Variants in TRIO observed in about 807,000 individuals in gnomAD.
TRIO encodes the protein triple functional domain protein.
Under a neutral mutation model 351.9 loss-of-function variants are expected in TRIO, and 58 were observed. That is an observed-to-expected ratio of 0.16 (90% CI 0.13 to 0.21). TRIO has a LOEUF of 0.21. Ranked by LOEUF, TRIO falls within the 10% of genes least tolerant of loss-of-function variation. The pLI is 1.00. For synonymous variants in TRIO, 1,758 were observed against 1,595.7 expected (o/e 1.10, Z -2.42); for missense variants, 3,201 against 4,027.8 (o/e 0.79, Z 5.56).
chr5:14,465,114 CT>C (rs1754151244), intron 36 of TRIO, among the ~76,000 whole-genome samples: 1 of 151,998 alleles, frequency 6.6e-6, no homozygotes, highest in South Asian at 2.1e-4. Flanking sequence ...TTCTTAGTAC[CT>C]GTTTTGTTTC....
rs1271580394 is a variant in TRIO at position 14,290,852 on chromosome 5, A to G, written c.677A>G (p.Asn226Ser). Residue 226 changes from asparagine (N) to serine (S), a missense_variant, in exon 5 of 57, where the codon AAT becomes AGT. Around this residue, in one of 19 missense-constraint regions of TRIO, gnomAD observed 349 missense variants for 449.3 expected, o/e 0.78. Coordinates refer to ENST00000344204, the MANE Select transcript of TRIO (RefSeq NM_007118.4). Reference protein sequence around the residue: ...IRVAFEDYISNATHMLSRLEE... With the variant: ...IRVAFEDYISSATHMLSRLEE... Reference sequence around the variant, plus strand: ...GTTGCTTTTGAAGACTACATTAGCAATGCCACCCACATGCTGTCTCGGCTG... The same window carrying G: ...GTTGCTTTTGAAGACTACATTAGCAGTGCCACCCACATGCTGTCTCGGCTG... The G allele has an allele frequency of 1.2e-5, 20 of 1,614,074 alleles. No individual in the cohort carries two copies. Among genetic ancestry groups the G allele is most frequent in the African/African-American group, 1.1e-4 (8 of 74,926 alleles).
chr5:14,149,521 C>T (rs1177529139), intron 1 of TRIO, among the ~76,000 whole-genome samples: 7 of 152,250 alleles, frequency 4.6e-5, no homozygotes, highest in East Asian at 1.9e-4. Flanking sequence ...ACCTGCCCCC[C>T]GGGAAAGGTT....
intron 9 of TRIO, among the ~76,000 whole-genome samples, chr5:14,326,740 G>A (rs1292143950): frequency 1.3e-5 from 2 of 152,348 alleles, no homozygotes; most frequent in Non-Finnish European, 2.9e-5. Context: ...ATAAAGGCCT[G>A]TAATTTGCTT....
intron 33 of TRIO, among the ~76,000 whole-genome samples, chr5:14,413,935 TG>T (rs772275369): frequency 4.6e-5 from 7 of 152,220 alleles, no homozygotes; most frequent in Non-Finnish European, 7.3e-5. Context: ...TAACATAAGC[TG>T]GTTGAGGTCA....
intron 5 of TRIO, 56 bp downstream of exon 5, chr5:14,291,284 G>T: frequency 1.9e-6 from 3 of 1,558,574 alleles, no homozygotes; most frequent in Non-Finnish European, 2.6e-6. Context: ...AGCGCTGGTG[G>T]GTTCGGGTGG....
At chr5:14,204,438 C>T (rs1342828231) in intron 1 of TRIO, among the ~76,000 whole-genome samples, 2 of 152,010 alleles carry the variant, frequency 1.3e-5, no homozygotes, top group Non-Finnish European at 2.9e-5. Flanking sequence ...TCTTTATGAT[C>T]GTGGGCAGCT....
intron 2 of TRIO, among the ~76,000 whole-genome samples, chr5:14,273,338 A>G (rs898358216): frequency 6.6e-6 from 1 of 152,240 alleles, no homozygotes; most frequent in Admixed American, 6.5e-5. Context: ...TTGAACTTGA[A>G]TATTTCCGAT....
At chr5:14,374,691 AT>A (rs1234174733) in intron 19 of TRIO, among the ~76,000 whole-genome samples, 1 of 152,202 alleles carries the variant, frequency 6.6e-6, no homozygotes, top group Non-Finnish European at 1.5e-5. Flanking sequence ...TAGGCAAAGG[AT>A]TTTTAAAAGC....
At chr5:14,299,630 A>G (rs1038332302) in intron 7 of TRIO, among the ~76,000 whole-genome samples, 1 of 152,234 alleles carries the variant, frequency 6.6e-6, no homozygotes, top group African/African-American at 2.4e-5. Flanking sequence ...GACTAGGTCA[A>G]CGTTGTTCCC....
chr5:14,351,646 C>T (rs991579273), intron 11 of TRIO, among the ~76,000 whole-genome samples: 2 of 152,230 alleles, frequency 1.3e-5, no homozygotes, highest in African/African-American at 4.8e-5. Flanking sequence ...AAAATGCTTT[C>T]ATTACATACA....
At chr5:14,367,444 T>TC (rs1366261804) in intron 16 of TRIO, among the ~76,000 whole-genome samples, 24 of 152,344 alleles carry the variant, frequency 1.6e-4, no homozygotes, top group Admixed American at 9.8e-4. Flanking sequence ...GAATTCACTA[T>TC]CAGTCAGTAA....
chr5:14,232,483 G>T (rs1232881553), intron 1 of TRIO, among the ~76,000 whole-genome samples: 2 of 152,228 alleles, frequency 1.3e-5, no homozygotes, highest in African/African-American at 4.8e-5. Flanking sequence ...TATGGTGTTT[G>T]TTGCTCTGTT....
In TRIO at chr5:14,481,531, C is replaced by T. The variant is rs2126606461; in HGVS notation, c.6388-10C>T. On this transcript the variant is annotated splice_polypyrimidine_tract_variant and intron_variant, in intron 44 of 56. Transcript: ENST00000344204. ...CTTGAGCTTTCACTCTTCTCTCTCC[C>T]CTCCCACAGAGAGCTGTGGAAGTCA... 1 of 1,613,854 alleles carries T rather than the reference C, an allele frequency of 6.2e-7. No individual in the cohort carries two copies. Among genetic ancestry groups the T allele is most frequent in the African/African-American group, 1.3e-5 (1 of 75,030 alleles).
intron 48 of TRIO, 159 bp downstream of exon 48, chr5:14,488,419 C>T: frequency 3.6e-6 from 4 of 1,103,304 alleles, no homozygotes; most frequent in South Asian, 1.7e-5. Context: ...TGCGGGCCGG[C>T]CCACGGCGCT....
At chr5:14,208,652 G>T (rs545754461) in intron 1 of TRIO, among the ~76,000 whole-genome samples, 1 of 152,308 alleles carries the variant, frequency 6.6e-6, no homozygotes, top group East Asian at 1.9e-4. Context: ...CTAACAGAAA[G>T]TCTAACTGAA....
At chr5:14,462,423 C>G (rs964311349) in intron 35 of TRIO, among the ~76,000 whole-genome samples, 2 of 152,188 alleles carry the variant, frequency 1.3e-5, no homozygotes, top group African/African-American at 4.8e-5. Context: ...ACCAAAGGAA[C>G]TAAATCAACA....
At chr5:14,145,183 G>T (rs1362498833) in intron 1 of TRIO, among the ~76,000 whole-genome samples, 1 of 152,206 alleles carries the variant, frequency 6.6e-6, no homozygotes, top group Non-Finnish European at 1.5e-5. Flanking sequence ...CACCTCCCCA[G>T]ATTCGGTGAG....
chr5:14,461,235 G>C lies in TRIO; in HGVS notation c.5420G>C (p.Arg1807Pro), dbSNP rs200080176. ...AAGCACAAGAAGAGCCGCGAGGTCC[G>C]CAAGAGCGCCGACGCCGGCTCGCAG... ...AHKHKKSREV[R>P]KSADAGSQKD... The change falls in exon 35 of 57, where the codon CGC (arginine) becomes CCC (proline). Residue 1807 changes from arginine (R) to proline (P), a missense_variant. By Grantham distance (103) the Arg-to-Pro change is moderately radical (BLOSUM62 -2). Coordinates refer to ENST00000344204, the MANE Select transcript of TRIO (RefSeq NM_007118.4). The C allele has an allele frequency of 4.4e-6, 7 of 1,585,704 alleles. No homozygotes were observed. In the Admixed American group the frequency reaches 8.9e-5, roughly 20 times the overall value.
intron 1 of TRIO, among the ~76,000 whole-genome samples, chr5:14,239,820 A>T (rs1303994787): frequency 6.6e-6 from 1 of 152,188 alleles, no homozygotes; most frequent in Non-Finnish European, 1.5e-5. Flanking sequence ...ACTGTGTAGG[A>T]TCTGAAAGGA....
Sources: gnomAD v4.1 joint callset for allele counts (sites outside exome capture counted in the v4.1 genomes callset) on GRCh38, gnomAD v4.1.1 for gene constraint, gnomAD v4.1.1 regional missense constraint, MANE v1.5 for transcripts, NCBI Gene and HGNC (gene_info 2026-07-23, HGNC 2026-07-21) for gene names.